EPHA4: variants seen among roughly 807,000 people sequenced by gnomAD.
The protein encoded by EPHA4 is EPH receptor A4.
Under a neutral mutation model 108.3 loss-of-function variants are expected in EPHA4, and 19 were observed. That is an observed-to-expected ratio of 0.18 (90% CI 0.12 to 0.26). The LOEUF is 0.26. Ranked by LOEUF, EPHA4 falls within the 10% of genes least tolerant of loss-of-function variation. EPHA4 has a pLI of 1.00. For synonymous variants in EPHA4, 449 were observed against 455.5 expected, an observed-to-expected ratio of 0.99 and a Z score of 0.18; for missense variants, 917 against 1,254.0, an observed-to-expected ratio of 0.73 and a Z score of 4.06.
chr2:221,529,051 C>T (rs1693422239), intron 3 of EPHA4, among the ~76,000 whole-genome samples: 1 of 152,122 alleles, frequency 6.6e-6, no homozygotes, highest in Non-Finnish European at 1.5e-5. Context: ...TTAAAAACCA[C>T]TCCAAGAGTA....
In EPHA4 at chr2:221,520,015, G is replaced by A. The variant is rs538489091; in HGVS notation, c.824-18843C>T. Among the ~76,000 whole-genome samples the A allele has an allele frequency of 1.2e-4, 18 of 151,800 alleles. 1 individual carries two copies. The South Asian group carries it at 3.8e-3, about 32-fold the overall frequency. ...TGCTTCCTCTCCCATTTCGTTTACTGACCATTATCAAAATTTAAAATTAAC... is the reference window on the plus strand; with the variant it reads ...TGCTTCCTCTCCCATTTCGTTTACTAACCATTATCAAAATTTAAAATTAAC... On this transcript the variant is annotated intron_variant, in intron 3 of 17. Coordinates refer to ENST00000281821, the MANE Select transcript of EPHA4 (RefSeq NM_004438.5).
Position 221,564,265 on chromosome 2 carries a change from C to A in EPHA4, c.289G>T (p.Val97Leu), listed in dbSNP as rs144149406. Residue 97 changes from valine to leucine, a missense_variant, in exon 3 of 18, where the codon GTG becomes TTG. By Grantham distance (32) the Val-to-Leu change is conservative (BLOSUM62 1). This residue lies in a region of EPHA4 where 758 missense variants were observed against 1,076.7 expected (regional missense o/e 0.70). Coordinates refer to ENST00000281821, the MANE Select transcript of EPHA4 (RefSeq NM_004438.5). ...DWITREGAQR[V>L]YIEIKFTLRD... ...AAGGTGAATTTAATCTCAATATACA[C>A]CCTCTGAGCCCCTTCTCGGGTGATC... The A allele has an allele frequency of 5.5e-5, 89 of 1,614,160 alleles. No individual in the cohort carries two copies. In the African/African-American group the frequency reaches 1.1e-3, roughly 20 times the overall value.
intron 3 of EPHA4, among the ~76,000 whole-genome samples, chr2:221,511,425 A>C (rs930951535): frequency 7.8e-6 from 1 of 128,790 alleles, no homozygotes; most frequent in African/African-American, 2.5e-5. Flanking sequence ...TGTTCAAATA[A>C]GGCAAACACC....
intron 1 of EPHA4, 38 bp from the exon 2 acceptor site, chr2:221,568,823 T>C: frequency 1.3e-6 from 2 of 1,577,120 alleles, no homozygotes; most frequent in South Asian, 1.1e-5. Flanking sequence ...AATTTCCAAT[T>C]GCAAAAAGCC....
intron 3 of EPHA4, among the ~76,000 whole-genome samples, chr2:221,548,707 T>C (rs1208591728): frequency 2.0e-5 from 3 of 152,206 alleles, no homozygotes; most frequent in Admixed American, 2.0e-4. Context: ...CTAGCTGGGA[T>C]TGTTGGAAGA....
chr2:221,461,319 A>C (rs962136936), intron 5 of EPHA4, among the ~76,000 whole-genome samples: 7 of 152,192 alleles, frequency 4.6e-5, no homozygotes, highest in African/African-American at 1.7e-4. Flanking sequence ...TTGAATCCTG[A>C]TTTGCAATAT....
intron 5 of EPHA4, among the ~76,000 whole-genome samples, chr2:221,464,894 A>C (rs1691259326): frequency 6.6e-6 from 1 of 152,200 alleles, no homozygotes; most frequent in Admixed American, 6.5e-5. Context: ...TCTGAAATTG[A>C]CATTGATTTT....
intron 3 of EPHA4, among the ~76,000 whole-genome samples, chr2:221,510,452 C>T (rs1300888154): frequency 1.3e-5 from 2 of 152,158 alleles, no homozygotes; most frequent in African/African-American, 2.4e-5. Context: ...CTATTTTCTA[C>T]GTTCCATCTC....
At position 221,569,034 on chromosome 2, in the gene EPHA4, C is replaced by G. The variant is rs192518351; in HGVS notation, c.92-249G>C. ...ATTCCATCCTAGGACTCACTTGATT[C>G]ATTTTTCTAAAAAGGATGAATAGAG... On this transcript the variant is annotated intron_variant, in intron 1 of 17. Coordinates refer to ENST00000281821, the MANE Select transcript of EPHA4 (RefSeq NM_004438.5). Among the ~76,000 whole-genome samples the G allele has an allele frequency of 3.9e-5, 6 of 152,308 alleles. No homozygotes were observed. In the East Asian group the frequency reaches 1.2e-3, roughly 29 times the overall value.
chr2:221,495,177 T>C (rs959585756), intron 4 of EPHA4, among the ~76,000 whole-genome samples: 1 of 152,230 alleles, frequency 6.6e-6, no homozygotes, highest in African/African-American at 2.4e-5. Context: ...TTTGGTTGTA[T>C]GATTCTACCC....
At chr2:221,475,365 T>C (rs879813867) in intron 5 of EPHA4, among the ~76,000 whole-genome samples, 3 of 152,226 alleles carry the variant, frequency 2.0e-5, no homozygotes, top group Admixed American at 2.0e-4. Context: ...CTAATTATTT[T>C]AGTTAATTTT....
At chr2:221,421,696 A>C (rs1487785056) in intron 17 of EPHA4, among the ~76,000 whole-genome samples, 1 of 152,176 alleles carries the variant, frequency 6.6e-6, no homozygotes, top group Non-Finnish European at 1.5e-5. Context: ...TATAACAACC[A>C]ACTATCCAGA....
chr2:221,512,106 G>A (rs1415572298), intron 3 of EPHA4, among the ~76,000 whole-genome samples: 1 of 152,060 alleles, frequency 6.6e-6, no homozygotes, highest in Non-Finnish European at 1.5e-5. Flanking sequence ...AATTCAAGTA[G>A]ATTAAGCAGA....
At chr2:221,568,328 T>C (rs1267296061) in intron 2 of EPHA4, among the ~76,000 whole-genome samples, 2 of 146,688 alleles carry the variant, frequency 1.4e-5, no homozygotes, top group Admixed American at 1.3e-4. Context: ...TATTTATTCT[T>C]TTTTTTTCAT....
chr2:221,566,803 GAGA>G (rs759337510), intron 2 of EPHA4, among the ~76,000 whole-genome samples: 3 of 137,110 alleles, frequency 2.2e-5, no homozygotes, highest in South Asian at 2.3e-4. Flanking sequence ...GAAGAAGAGG[GAGA>G]AGAAGAAGAA....
chr2:221,567,567 G>GA (rs1411809467), intron 2 of EPHA4, among the ~76,000 whole-genome samples: 2 of 152,116 alleles, frequency 1.3e-5, no homozygotes, highest in East Asian at 1.9e-4. Context: ...AGTTCAGGCA[G>GA]AAAAAATAGG....
chr2:221,559,771 T>C (rs566582965), intron 3 of EPHA4, among the ~76,000 whole-genome samples: 100 of 152,286 alleles, frequency 6.6e-4, no homozygotes, highest in African/African-American at 2.2e-3. Flanking sequence ...CTAGAATCAT[T>C]ATATTATCCT....
intron 3 of EPHA4, among the ~76,000 whole-genome samples, chr2:221,509,848 C>G (rs1186967661): frequency 6.6e-6 from 1 of 152,168 alleles, no homozygotes; most frequent in Non-Finnish European, 1.5e-5. Flanking sequence ...TAATTGATAG[C>G]AAGGGCAGTG....
In EPHA4 at chr2:221,571,882, A is replaced by AG. The variant is rs1335177016; in HGVS notation, c.91+275dup. On this transcript the variant is annotated intron_variant, in intron 1 of 17. Coordinates refer to ENST00000281821, the MANE Select transcript of EPHA4 (RefSeq NM_004438.5). This position sits in a 1 kb window ranked among gnomAD's most constrained non-coding sequence, Gnocchi z 6.3. ...CCGTGCATCCCCTCAGGGCGCCTCG[A>AG]GCGGGCCTCTCTGGCGGATGCTGAT... Among the ~76,000 whole-genome samples the AG allele has an allele frequency of 2.0e-5, 3 of 152,082 alleles. No homozygotes were observed. Among genetic ancestry groups the AG allele is most frequent in the African/African-American group, 7.2e-5 (3 of 41,404 alleles).
Sources: allele counts gnomAD v4.1 joint callset (sites outside exome capture counted in the v4.1 genomes callset), GRCh38; gene constraint gnomAD v4.1.1; regional missense constraint gnomAD v4.1.1; non-coding constraint Gnocchi (gnomAD v3.1); transcripts MANE v1.5; gene names NCBI Gene and HGNC (gene_info 2026-07-23, HGNC 2026-07-21).